The following ABI3BP variants were observed in gnomAD, a reference collection of about 807,000 sequenced individuals.
The protein encoded by ABI3BP is target of Nesh-SH3.
In ABI3BP, 216 loss-of-function variants were observed where a neutral mutation model predicts 268.6. That is an observed-to-expected ratio of 0.80 (90% CI 0.72 to 0.90). ABI3BP has a LOEUF of 0.90. ABI3BP is among the 40% of genes least tolerant of loss of function. The pLI is 0.00. For missense variants in ABI3BP, 2,090 were observed against 2,182.4 expected (o/e 0.96, Z 0.84); for synonymous variants, 730 against 730.0 (o/e 1.00, Z 0.00).
chr3:100,894,965 A>AAAAC lies in ABI3BP; in HGVS notation c.461+3796_461+3797insGTTT, dbSNP rs760156604. Among the ~76,000 whole-genome samples the AAAAC allele has an allele frequency of 9.1e-5, 11 of 120,878 alleles. No homozygotes were observed. In the South Asian group the frequency reaches 1.1e-3, roughly 12 times the overall value. 79.3% of individuals were successfully genotyped at this position (120,878 alleles called of 152,430 possible). ...AAAAAAAAAAAAAAAAAAAAAAAAA[A>AAAAC]AACAGAAAAAAAAAACACAAGATGA... On this transcript the variant is annotated intron_variant, in intron 4 of 67. Coordinates refer to ENST00000471714, the MANE Select transcript of ABI3BP (RefSeq NM_001375547.2).
chr3:100,989,289 C>T (rs1028196371), intron 1 of ABI3BP, among the ~76,000 whole-genome samples: 1 of 152,066 alleles, frequency 6.6e-6, no homozygotes, highest in Non-Finnish European at 1.5e-5. Context: ...GTCACAGAAG[C>T]ACGAAACAGA....
At chr3:100,840,265 T>C in intron 22 of ABI3BP, 101 bp from the exon 23 acceptor site, 1 of 884,372 alleles carries the variant, frequency 1.1e-6, no homozygotes, top group Non-Finnish European at 1.6e-6. Flanking sequence ...CCCTTTGATT[T>C]ACTGTGGACA....
intron 54 of ABI3BP, 108 bp downstream of exon 54, chr3:100,794,815 A>G (rs1056050167): frequency 2.6e-6 from 2 of 764,322 alleles, no homozygotes; most frequent in Non-Finnish European, 4.4e-6. Flanking sequence ...GGATTTTTAA[A>G]TAACCTATTA....
At chr3:100,947,808 A>G (rs150649692) in intron 1 of ABI3BP, among the ~76,000 whole-genome samples, 2 of 152,278 alleles carry the variant, frequency 1.3e-5, no homozygotes, top group South Asian at 2.1e-4. Flanking sequence ...AGTGGCGGAT[A>G]AGGCACTTTA....
At chr3:100,987,457 A>G (rs896989158) in intron 1 of ABI3BP, among the ~76,000 whole-genome samples, 1 of 152,200 alleles carries the variant, frequency 6.6e-6, no homozygotes, top group Non-Finnish European at 1.5e-5. Context: ...ATAAAACTAA[A>G]CTAGTGAATG....
intron 5 of ABI3BP, among the ~76,000 whole-genome samples, chr3:100,885,907 A>G (rs1343233413): frequency 6.6e-6 from 1 of 152,042 alleles, no homozygotes; most frequent in African/African-American, 2.4e-5. Flanking sequence ...AATACAATAG[A>G]CAACGACATC....
chr3:100,870,826 T>A (rs1322890370), intron 9 of ABI3BP, among the ~76,000 whole-genome samples: 1 of 152,114 alleles, frequency 6.6e-6, no homozygotes, highest in East Asian at 1.9e-4. Context: ...ATAAAGAAAT[T>A]ATGGTACACA....
intron 1 of ABI3BP, among the ~76,000 whole-genome samples, chr3:100,960,305 C>T (rs770489568): frequency 2.9e-4 from 44 of 152,052 alleles, no homozygotes; most frequent in Non-Finnish European, 4.9e-4. Flanking sequence ...ATTGGAAACT[C>T]GGAAGACAAA....
At position 100,828,376 on chromosome 3, in the gene ABI3BP, T is replaced by C; in HGVS notation, c.2602+17A>G. On this transcript the variant is annotated intron_variant, in intron 34 of 67. Coordinates refer to ENST00000471714, the MANE Select transcript of ABI3BP (RefSeq NM_001375547.2). ...GAGCAGAAAAAGCACTTGCTGAAGA[T>C]CAAAAAGTGGCATTACCGAATGTTG... is the stretch of plus-strand genomic sequence containing the variant. The C allele has an allele frequency of 6.5e-7, 1 of 1,528,030 alleles. No individual in the cohort carries two copies. Among genetic ancestry groups the C allele is most frequent in the Non-Finnish European group, 8.8e-7 (1 of 1,139,888 alleles). 94.7% of individuals were successfully genotyped at this position (1,528,030 alleles called of 1,614,324 possible).
chr3:100,976,128 G>A (rs111849894), intron 1 of ABI3BP, among the ~76,000 whole-genome samples: 80 of 152,184 alleles, frequency 5.3e-4, no homozygotes, highest in Admixed American at 2.0e-3. Flanking sequence ...CATTAATGAA[G>A]TAAACTATAG....
At chr3:100,801,291 G>A (rs1289720754) in intron 51 of ABI3BP, among the ~76,000 whole-genome samples, 5 of 151,940 alleles carry the variant, frequency 3.3e-5, no homozygotes, top group African/African-American at 9.6e-5. Flanking sequence ...GGCCAGGCAT[G>A]GTGGCTTACA....
At position 100,848,843 on chromosome 3, in the gene ABI3BP, G is replaced by A. The variant is rs576907280; in HGVS notation, c.1534C>T (p.Pro512Ser). 2 of 1,613,410 alleles carry A rather than the reference G, an allele frequency of 1.2e-6. No individual in the cohort carries two copies. Among genetic ancestry groups the A allele is most frequent in the African/African-American group, 1.3e-5 (1 of 75,036 alleles). ...GGTTTGGGCCGGGGGCGTCGTTTAG[G>A]TGTAGAAGGGATAGATGTAGTTTGC... ...PQQTTSIPST[P>S]KRRPRPKPPR... The change falls in exon 18 of 68, where the codon CCT (proline) becomes TCT (serine). Residue 512 changes from proline to serine, a missense_variant. Pro to Ser is a moderately conservative substitution (Grantham distance 74). Transcript: ENST00000471714.
intron 1 of ABI3BP, among the ~76,000 whole-genome samples, chr3:100,983,779 T>A (rs147559255): frequency 3.7e-4 from 56 of 152,346 alleles, no homozygotes; most frequent in African/African-American, 1.3e-3. Flanking sequence ...AAGTCCATTC[T>A]TAAAAATCAC....
At chr3:100,989,260 A>G (rs2092514915) in intron 1 of ABI3BP, among the ~76,000 whole-genome samples, 2 of 152,162 alleles carry the variant, frequency 1.3e-5, no homozygotes, top group Non-Finnish European at 2.9e-5. Flanking sequence ...TTTGCAAATT[A>G]CCTAGTCTCA....
chr3:100,945,708 T>C, intron 1 of ABI3BP: 1 of 427,444 alleles, frequency 2.3e-6, no homozygotes, highest in Non-Finnish European at 4.6e-6. Flanking sequence ...TATTACATTT[T>C]ATTTATTCAA....
In ABI3BP at chr3:100,778,320, G is replaced by A. The variant is rs2096767306; in HGVS notation, c.4297C>T (p.Pro1433Ser). ...RPTHPRRKPLPPNNVTGKPGS... is the reference protein window; with the variant it reads ...RPTHPRRKPLSPNNVTGKPGS... ...GGCTTTCCAGTGACATTATTTGGTG[G>A]TAAAGGTTTTCTTCGTGGGTGTGTA... Residue 1433 changes from proline to serine, a missense_variant, in exon 59 of 68, where the codon CCA becomes TCA. Transcript: ENST00000471714. 1 of 1,613,856 alleles carries A rather than the reference G, an allele frequency of 6.2e-7. No homozygotes were observed. The highest frequency in any genetic ancestry group is 1.7e-5 in the Admixed American group (1 of 60,010).
At chr3:100,758,433 A>AT (rs1052490129) in intron 63 of ABI3BP, among the ~76,000 whole-genome samples, 3 of 152,084 alleles carry the variant, frequency 2.0e-5, no homozygotes, top group Admixed American at 6.6e-5. Context: ...TCTCTAGATA[A>AT]TTTTTTTTAA....
At chr3:100,759,336 G>A (rs1166891135) in intron 63 of ABI3BP, among the ~76,000 whole-genome samples, 1 of 152,176 alleles carries the variant, frequency 6.6e-6, no homozygotes, top group African/African-American at 2.4e-5. Context: ...GGGTAAGCTT[G>A]ACTGCAAGGA....
chr3:100,779,500 G>A (rs1425669509), intron 58 of ABI3BP, among the ~76,000 whole-genome samples: 1 of 152,142 alleles, frequency 6.6e-6, no homozygotes, highest in Non-Finnish European at 1.5e-5. Flanking sequence ...TTGTGCTATA[G>A]TTAAACAATT....
Sources: gnomAD v4.1 joint callset for allele counts (sites outside exome capture counted in the v4.1 genomes callset) on GRCh38, gnomAD v4.1.1 for gene constraint, MANE v1.5 for transcripts, NCBI Gene and HGNC (gene_info 2026-07-23, HGNC 2026-07-21) for gene names.